FAM120A: variants seen among roughly 807,000 people sequenced by gnomAD.
FAM120A encodes the protein constitutive coactivator of PPAR-gamma-like protein 1.
Under a neutral mutation model 109.7 loss-of-function variants are expected in FAM120A, and 15 were observed. That is an observed-to-expected ratio of 0.14 (90% CI 0.09 to 0.21). FAM120A has a LOEUF of 0.21. FAM120A is among the 10% of genes least tolerant of loss of function. The probability of loss-of-function intolerance (pLI) is 1.00; values close to 1 mark genes in which losing one functional copy is unlikely to be tolerated. For synonymous variants in FAM120A, 493 were observed against 572.8 expected, an observed-to-expected ratio of 0.86 and a Z score of 1.99; for missense variants, 899 against 1,439.3, an observed-to-expected ratio of 0.62 and a Z score of 6.07.
At chr9:93,521,309 C>T (rs1368868986) in intron 7 of FAM120A, among the ~76,000 whole-genome samples, 1 of 152,154 alleles carries the variant, frequency 6.6e-6, no homozygotes, top group Non-Finnish European at 1.5e-5. Context: ...AGGCCTAAAA[C>T]AGTTTGGCAA....
intron 8 of FAM120A, among the ~76,000 whole-genome samples, chr9:93,527,614 A>ATTTTT (rs67894788): frequency 8.7e-5 from 7 of 80,702 alleles, no homozygotes; most frequent in Admixed American, 1.8e-4. Flanking sequence ...TTTGTATTTA[A>ATTTTT]TTTTTTTTTT....
chr9:93,522,502 T>C (rs1248229314), intron 7 of FAM120A, among the ~76,000 whole-genome samples: 3 of 152,248 alleles, frequency 2.0e-5, no homozygotes, highest in African/African-American at 7.2e-5. Flanking sequence ...TGCATGTAAG[T>C]ATTAATATGT....
intron 11 of FAM120A, among the ~76,000 whole-genome samples, chr9:93,544,280 G>A (rs527937339): frequency 1.3e-5 from 2 of 152,286 alleles, no homozygotes; most frequent in South Asian, 4.1e-4. Flanking sequence ...CTTCAGGCAC[G>A]CTTTGTGTTT....
intron 3 of FAM120A, among the ~76,000 whole-genome samples, chr9:93,485,843 C>A (rs1859023267): frequency 6.6e-6 from 1 of 152,072 alleles, no homozygotes; most frequent in Admixed American, 6.5e-5. Flanking sequence ...ACTTCTGTCT[C>A]TATGGATTTG....
At chr9:93,531,331 A>C (rs1564348257) in intron 9 of FAM120A, 1 of 152,256 alleles carries the variant, frequency 6.6e-6, no homozygotes, top group East Asian at 1.9e-4. Flanking sequence ...CATATATATC[A>C]ATGAACTTCA....
At chr9:93,493,788 G>A (rs1859445279) in intron 3 of FAM120A, among the ~76,000 whole-genome samples, 3 of 152,218 alleles carry the variant, frequency 2.0e-5, no homozygotes, top group African/African-American at 7.2e-5. Flanking sequence ...AGAGTCCCAG[G>A]AGCCAAAGGG....
chr9:93,472,842 A>G (rs1268843445), intron 2 of FAM120A, among the ~76,000 whole-genome samples: 1 of 152,186 alleles, frequency 6.6e-6, no homozygotes, highest in Non-Finnish European at 1.5e-5. Context: ...TCGGTCTCAA[A>G]GGAGAGTACA....
intron 1 of FAM120A, among the ~76,000 whole-genome samples, chr9:93,470,111 G>A (rs1479777453): frequency 6.6e-6 from 1 of 152,176 alleles, no homozygotes; most frequent in East Asian, 1.9e-4. Context: ...GGGGTTAAGG[G>A]TGGCACACAT....
At chr9:93,562,641 C>CT (rs1001657563) in intron 17 of FAM120A, among the ~76,000 whole-genome samples, 14 of 146,702 alleles carry the variant, frequency 9.5e-5, no homozygotes, top group East Asian at 2.0e-4. Context: ...CTTGTAGTTT[C>CT]TTTTTTTTTC....
intron 1 of FAM120A, among the ~76,000 whole-genome samples, chr9:93,464,488 A>G (rs1484386589): frequency 6.6e-6 from 1 of 152,186 alleles, no homozygotes; most frequent in African/African-American, 2.4e-5. Flanking sequence ...GAAGAAGCTG[A>G]GAAGTGTTGT....
At chr9:93,497,960 T>C (rs1368364936) in intron 4 of FAM120A, among the ~76,000 whole-genome samples, 1 of 152,284 alleles carries the variant, frequency 6.6e-6, no homozygotes, top group Non-Finnish European at 1.5e-5. Context: ...GTCAGTCATA[T>C]GGCATTATAA....
At chr9:93,558,895 G>T (rs914472093) in intron 15 of FAM120A, among the ~76,000 whole-genome samples, 177 bp downstream of exon 15, 7 of 152,136 alleles carry the variant, frequency 4.6e-5, no homozygotes, top group African/African-American at 1.7e-4. Context: ...TCTGCTCTCA[G>T]GTCTCAGCAG....
At chr9:93,453,158 AG>A in intron 1 of FAM120A, 1 of 1,003,264 alleles carries the variant, frequency 1.0e-6, no homozygotes, top group Non-Finnish European at 1.2e-6. Flanking sequence ...GCTCAAAATC[AG>A]GGGGCGAACT....
chr9:93,455,200 A>G (rs1262970173), intron 1 of FAM120A, among the ~76,000 whole-genome samples: 1 of 152,284 alleles, frequency 6.6e-6, no homozygotes, highest in East Asian at 1.9e-4. Flanking sequence ...CTTAGCAATA[A>G]TAAGGAAGGA....
Position 93,451,881 on chromosome 9 carries a change from CCGCCCGCACCCG to C in FAM120A, c.-27_-16del, listed in dbSNP as rs1554770534. 1.7e-6 allele frequency: 2 copies of C among 1,208,586 alleles called. No individual in the cohort carries two copies. The highest frequency in any genetic ancestry group is 2.1e-6 in the Non-Finnish European group (2 of 974,230). The allele number at this position is 1,208,586 out of a possible 1,614,324, so 74.9% of individuals were successfully genotyped here. ...CCACCACCCCCGGCCCCGCCGCCCC[CCGCCCGCACCCG>C]CGCCCGCGCCCCCGCCGCCGCCATG... is the stretch of plus-strand genomic sequence containing the variant. On this transcript the variant is annotated 5_prime_UTR_variant, in exon 1 of 18. Coordinates refer to ENST00000277165, the MANE Select transcript of FAM120A (RefSeq NM_014612.5).
At chr9:93,467,255 C>CT (rs1858080807) in intron 1 of FAM120A, among the ~76,000 whole-genome samples, 1 of 113,096 alleles carries the variant, frequency 8.8e-6, no homozygotes, top group Non-Finnish European at 2.1e-5. Flanking sequence ...CACCCCCCCC[C>CT]CCCTTTTCCC....
chr9:93,530,040 C>T (rs1027936491), intron 9 of FAM120A: 3 of 237,422 alleles, frequency 1.3e-5, no homozygotes, highest in Non-Finnish European at 2.5e-5. Flanking sequence ...TTGTTCATGA[C>T]CTCATTGAGT....
chr9:93,512,498 CT>C (rs1225792650), intron 5 of FAM120A, among the ~76,000 whole-genome samples: 16 of 151,974 alleles, frequency 1.1e-4, no homozygotes, highest in South Asian at 6.2e-4. Flanking sequence ...CTTTTTTGGC[CT>C]TTTTTTCTTC....
intron 10 of FAM120A, among the ~76,000 whole-genome samples, chr9:93,537,225 G>T (rs567879965): frequency 3.3e-5 from 5 of 152,316 alleles, no homozygotes; most frequent in African/African-American, 1.2e-4. Flanking sequence ...CTCCTTCAGG[G>T]TGCCTCTTGG....
Sources: allele counts gnomAD v4.1 joint callset (sites outside exome capture counted in the v4.1 genomes callset), GRCh38; gene constraint gnomAD v4.1.1; transcripts MANE v1.5; gene names NCBI Gene and HGNC (gene_info 2026-07-23, HGNC 2026-07-21).